Variants in NUBPL observed in about 807,000 individuals in gnomAD.
The protein encoded by NUBPL is iron-sulfur cluster transfer protein NUBPL.
In NUBPL, 31 loss-of-function variants were observed where a neutral mutation model predicts 45.7. The ratio of observed to expected loss-of-function variants is 0.68; its 90% CI spans 0.51 to 0.92. NUBPL has a LOEUF of 0.92. Among genes scored for constraint, NUBPL ranks in the 40% least tolerant of loss-of-function variants. The pLI is 0.00. For synonymous variants in NUBPL, 144 were observed against 140.9 expected (o/e 1.02, Z -0.15); for missense variants, 401 against 398.7 (o/e 1.01, Z -0.05).
rs147762798 is a variant in NUBPL, at chr14:31,561,965, G to A, written c.109-103G>A. On this transcript the variant is annotated intron_variant, in intron 1 of 10. Transcript: ENST00000281081. ...AGTGAAGATGAGCAGAATTAGAAAA[G>A]AAAGCCCTCTTAATTGCAAACCCCA... The A allele has an allele frequency of 1.3e-3, 1,483 of 1,129,496 alleles. 11 individuals carry two copies. The African/African-American group carries it at 0.021, about 16-fold the overall frequency. 70.0% of individuals were successfully genotyped at this position (1,129,496 alleles called of 1,614,324 possible). A position where few individuals can be genotyped will look rare whatever the true frequency, so the allele number is the denominator to read the frequency against.
intron 3 of NUBPL, among the ~76,000 whole-genome samples, chr14:31,570,587 G>T (rs866032556): frequency 6.6e-6 from 1 of 152,070 alleles, no homozygotes; most frequent in African/African-American, 2.4e-5. Flanking sequence ...AGTCTTTATT[G>T]ATTCTCCCCT....
At chr14:31,851,342 C>T (rs1196806870) in intron 10 of NUBPL, among the ~76,000 whole-genome samples, 1 of 151,400 alleles carries the variant, frequency 6.6e-6, no homozygotes, top group Non-Finnish European at 1.5e-5. Flanking sequence ...CTTCCTTTAA[C>T]CTTCTGTGAA....
At chr14:31,812,060 A>C (rs891524290) in intron 7 of NUBPL, among the ~76,000 whole-genome samples, 6 of 152,160 alleles carry the variant, frequency 3.9e-5, no homozygotes, top group Non-Finnish European at 5.9e-5. Flanking sequence ...GTCGGCCCCT[A>C]CTGGGAGGTG....
intron 4 of NUBPL, among the ~76,000 whole-genome samples, chr14:31,659,645 C>T (rs539259876): frequency 1.3e-5 from 2 of 152,108 alleles, no homozygotes; most frequent in Admixed American, 6.6e-5. Context: ...GAATTAGCCC[C>T]GGAGTAGAAA....
intron 6 of NUBPL, among the ~76,000 whole-genome samples, chr14:31,752,564 A>G (rs1305749751): frequency 1.3e-5 from 2 of 152,242 alleles, no homozygotes; most frequent in Non-Finnish European, 2.9e-5. Context: ...TTCATTGTCC[A>G]TATTACTATC....
At chr14:31,817,673 G>C (rs1275167833) in intron 7 of NUBPL, among the ~76,000 whole-genome samples, 1 of 152,158 alleles carries the variant, frequency 6.6e-6, no homozygotes, top group East Asian at 1.9e-4. Context: ...AGTAAATATG[G>C]AAAGGAAAAC....
At chr14:31,623,124 C>A (rs958875488) in intron 4 of NUBPL, among the ~76,000 whole-genome samples, 2 of 152,198 alleles carry the variant, frequency 1.3e-5, no homozygotes, top group African/African-American at 4.8e-5. Flanking sequence ...GGAGTTTATT[C>A]TGGAGCTCTA....
chr14:31,597,186 G>A (rs2034306674), intron 3 of NUBPL, among the ~76,000 whole-genome samples: 1 of 151,942 alleles, frequency 6.6e-6, no homozygotes, highest in Non-Finnish European at 1.5e-5. Context: ...ACTAAATTTA[G>A]GTCAGTCTCT....
chr14:31,764,770 T>A (rs1458902538), intron 6 of NUBPL, among the ~76,000 whole-genome samples: 1 of 152,196 alleles, frequency 6.6e-6, no homozygotes, highest in African/African-American at 2.4e-5. Flanking sequence ...TACAATTTAG[T>A]GATCTTAAGT....
intron 4 of NUBPL, among the ~76,000 whole-genome samples, chr14:31,630,870 C>A (rs901450525): frequency 6.6e-6 from 1 of 152,144 alleles, no homozygotes; most frequent in Admixed American, 6.5e-5. Flanking sequence ...TGATTCTTTC[C>A]CCACCATTGG....
intron 7 of NUBPL, among the ~76,000 whole-genome samples, chr14:31,824,281 T>C (rs2040063492): frequency 6.6e-6 from 1 of 152,088 alleles, no homozygotes; most frequent in Non-Finnish European, 1.5e-5. Flanking sequence ...AGCTATAGAA[T>C]CAAATTTTGA....
chr14:31,633,312 A>G (rs1595398263), intron 4 of NUBPL, among the ~76,000 whole-genome samples: 2 of 152,248 alleles, frequency 1.3e-5, no homozygotes, highest in Admixed American at 6.5e-5. Context: ...ACCACAGATT[A>G]TCACCAAACA....
intron 6 of NUBPL, among the ~76,000 whole-genome samples, chr14:31,754,939 A>C (rs904387150): frequency 1.8e-5 from 2 of 112,048 alleles, no homozygotes; most frequent in African/African-American, 4.4e-5. Context: ...ATGAGTGAGA[A>C]CATGCAGTGT....
chr14:31,674,972 T>G (rs1450135748), intron 6 of NUBPL, among the ~76,000 whole-genome samples: 1 of 151,990 alleles, frequency 6.6e-6, no homozygotes, highest in Non-Finnish European at 1.5e-5. Flanking sequence ...CCATCTCTAC[T>G]AAAAATACAA....
intron 6 of NUBPL, among the ~76,000 whole-genome samples, chr14:31,741,832 G>A (rs1313870443): frequency 6.6e-6 from 1 of 151,244 alleles, no homozygotes; most frequent in Non-Finnish European, 1.5e-5. Context: ...GGTTTGCCCT[G>A]TGACCTCACC....
chr14:31,772,844 T>C (rs767509455), intron 6 of NUBPL, among the ~76,000 whole-genome samples: 6 of 152,206 alleles, frequency 3.9e-5, no homozygotes, highest in Non-Finnish European at 2.9e-5. Context: ...TAGAGGGGTT[T>C]ATTTAGATAA....
chr14:31,737,655 G>T (rs1214251404), intron 6 of NUBPL, among the ~76,000 whole-genome samples: 1 of 152,050 alleles, frequency 6.6e-6, no homozygotes, highest in Non-Finnish European at 1.5e-5. Flanking sequence ...ATGGTGGCAG[G>T]TGCCTATTGT....
chr14:31,577,899 T>A, intron 3 of NUBPL: 2 of 1,203,698 alleles, frequency 1.7e-6, no homozygotes, highest in East Asian at 1.1e-4. Flanking sequence ...TAATGTCATT[T>A]CCTCCTCTAT....
chr14:31,816,036 G>A (rs955444509), intron 7 of NUBPL, among the ~76,000 whole-genome samples: 3 of 152,270 alleles, frequency 2.0e-5, no homozygotes, highest in Non-Finnish European at 4.4e-5. Context: ...GTATCAGGAT[G>A]ATGCTGGCCT....
Sources: allele counts gnomAD v4.1 joint callset (sites outside exome capture counted in the v4.1 genomes callset), GRCh38; gene constraint gnomAD v4.1.1; transcripts MANE v1.5; gene names NCBI Gene and HGNC (gene_info 2026-07-23, HGNC 2026-07-21).